The following TCF12 variants were observed in gnomAD, a reference collection of about 807,000 sequenced individuals.
TCF12 encodes DNA-binding protein HTF4.
TCF12 carries 45 observed loss-of-function variants against 86.0 expected under a neutral mutation model. That is an observed-to-expected ratio of 0.52 (90% CI 0.41 to 0.67). The LOEUF is 0.67. Ranked by LOEUF, TCF12 falls within the 30% of genes least tolerant of loss-of-function variation. TCF12 has a pLI of 0.00. For missense variants in TCF12, 881 were observed against 859.9 expected, an observed-to-expected ratio of 1.02 and a Z score of -0.31; for synonymous variants, 330 against 299.6, an observed-to-expected ratio of 1.10 and a Z score of -1.05.
intron 3 of TCF12, among the ~76,000 whole-genome samples, chr15:57,030,965 A>G (rs570287488): frequency 1.3e-5 from 2 of 152,326 alleles, no homozygotes; most frequent in East Asian, 3.9e-4. Context: ...TGCCTATCTC[A>G]AGGATTATAT....
At chr15:56,985,468 C>G (rs1219433433) in intron 3 of TCF12, among the ~76,000 whole-genome samples, 2 of 152,134 alleles carry the variant, frequency 1.3e-5, no homozygotes, top group African/African-American at 4.8e-5. Flanking sequence ...TATACCATGG[C>G]TTATTTTGAC....
At chr15:57,207,643 C>G (rs2057895786) in intron 8 of TCF12, among the ~76,000 whole-genome samples, 1 of 152,096 alleles carries the variant, frequency 6.6e-6, no homozygotes, top group Non-Finnish European at 1.5e-5. Context: ...CACCATTGCA[C>G]TCCAGCCTGG....
intron 5 of TCF12, among the ~76,000 whole-genome samples, chr15:57,096,286 T>G (rs1367254644): frequency 1.3e-5 from 2 of 152,106 alleles, no homozygotes; most frequent in Non-Finnish European, 2.9e-5. Context: ...TTTTTTAGCC[T>G]ACGACACCCC....
chr15:57,229,887 C>A (rs1290010719), intron 8 of TCF12, among the ~76,000 whole-genome samples: 6 of 151,792 alleles, frequency 4.0e-5, no homozygotes, highest in African/African-American at 1.2e-4. Context: ...ACAGTTAATA[C>A]CTCCAAGAAA....
At chr15:57,244,756 GC>G (rs1385487358) in intron 13 of TCF12, among the ~76,000 whole-genome samples, 1 of 151,732 alleles carries the variant, frequency 6.6e-6, no homozygotes, top group Admixed American at 6.6e-5. Flanking sequence ...GACCCACTGC[GC>G]CCGGCCCACA....
At chr15:57,276,511 G>A (rs2061402755) in intron 19 of TCF12, among the ~76,000 whole-genome samples, 1 of 152,222 alleles carries the variant, frequency 6.6e-6, no homozygotes, top group South Asian at 2.1e-4. Context: ...TCTAAGTACT[G>A]AAGAATACAT....
At position 57,060,870 on chromosome 15, in the gene TCF12, A is replaced by G. The variant is rs551537714; in HGVS notation, c.149-2880A>G. ...CTTTGGAAAGTTTATTATTCCTGTCATATTTCTGTGTTTGTACAGCCATTG... is the reference window on the plus strand; with the variant it reads ...CTTTGGAAAGTTTATTATTCCTGTCGTATTTCTGTGTTTGTACAGCCATTG... On this transcript the variant is annotated intron_variant, in intron 3 of 20. Coordinates refer to ENST00000333725, the MANE Select transcript of TCF12 (RefSeq NM_207037.2). Among the ~76,000 whole-genome samples, 4 of 152,206 alleles carry G rather than the reference A, an allele frequency of 2.6e-5. No homozygotes were observed. In the East Asian group the frequency reaches 5.8e-4, roughly 22 times the overall value.
intron 4 of TCF12, among the ~76,000 whole-genome samples, chr15:57,068,970 T>G (rs1440007790): frequency 2.0e-5 from 3 of 152,222 alleles, no homozygotes; most frequent in Non-Finnish European, 4.4e-5. Context: ...AAGTACATTT[T>G]CATGGTTATA....
In TCF12 at chr15:57,263,167, C is replaced by CA. The variant is rs745814719; in HGVS notation, c.1641dup (p.Glu548ArgfsTer4). 6.2e-7 allele frequency: 1 copy of CA among 1,612,884 alleles called. No individual in the cohort carries two copies. The highest frequency in any genetic ancestry group is 2.2e-5 in the East Asian group (1 of 44,718). On this transcript the variant is annotated frameshift_variant, in exon 18 of 21. Transcript: ENST00000333725. LOFTEE classifies it high-confidence loss of function. The stretch of plus-strand genomic sequence containing the variant: ...TTACAACAGAAATCAAGACTGAAAA[C>CA]AAAGAAAAGGATGAAAACCTTCATG...
At chr15:57,000,979 T>A (rs572118034) in intron 3 of TCF12, among the ~76,000 whole-genome samples, 41 of 151,488 alleles carry the variant, frequency 2.7e-4, no homozygotes, top group African/African-American at 9.2e-4. Context: ...ATTCTAGTGC[T>A]TTTATTTTTA....
At chr15:57,022,665 C>T (rs559859612) in intron 3 of TCF12, among the ~76,000 whole-genome samples, 1 of 152,304 alleles carries the variant, frequency 6.6e-6, no homozygotes, top group Non-Finnish European at 1.5e-5. Flanking sequence ...AATGGTTGAG[C>T]TAATTTACAC....
At chr15:57,166,551 C>CT in intron 6 of TCF12, 85 bp downstream of exon 6, 1 of 1,189,284 alleles carries the variant, frequency 8.4e-7, no homozygotes, top group East Asian at 2.5e-5. Flanking sequence ...TAGAAATTAT[C>CT]CAATTTATTT....
intron 13 of TCF12, among the ~76,000 whole-genome samples, chr15:57,248,972 A>G (rs2059985550): frequency 6.6e-6 from 1 of 152,264 alleles, no homozygotes; most frequent in South Asian, 2.1e-4. Flanking sequence ...AATATTGCAC[A>G]CAAAGTCAGT....
intron 3 of TCF12, among the ~76,000 whole-genome samples, chr15:57,007,852 C>T (rs12903652): frequency 8.9e-5 from 9 of 101,238 alleles, no homozygotes; most frequent in Middle Eastern, 4.8e-3. Flanking sequence ...CTCTTTCCCT[C>T]CCTTCCTTCC....
intron 12 of TCF12, among the ~76,000 whole-genome samples, chr15:57,237,645 A>AT (rs1202222017): frequency 6.6e-6 from 1 of 152,096 alleles, no homozygotes; most frequent in Non-Finnish European, 1.5e-5. Context: ...CTTTACCCCC[A>AT]TTTTTTTAAG....
At chr15:57,166,755 C>G (rs2054924551) in intron 6 of TCF12, among the ~76,000 whole-genome samples, 1 of 152,166 alleles carries the variant, frequency 6.6e-6, no homozygotes, top group Non-Finnish European at 1.5e-5. Flanking sequence ...CATATTTTCT[C>G]ACAGAAAACG....
intron 3 of TCF12, among the ~76,000 whole-genome samples, chr15:57,037,570 C>T (rs1389513481): frequency 6.6e-6 from 1 of 152,148 alleles, no homozygotes; most frequent in African/African-American, 2.4e-5. Context: ...GGGTTGTCCT[C>T]TTGTATTGTC....
At chr15:56,950,423 A>G (rs1324802781) in intron 3 of TCF12, among the ~76,000 whole-genome samples, 1 of 152,060 alleles carries the variant, frequency 6.6e-6, no homozygotes, top group African/African-American at 2.4e-5. Flanking sequence ...ACGAGGTTTC[A>G]CCATGTTGGC....
At chr15:57,148,619 T>TG (rs757493378) in intron 5 of TCF12, among the ~76,000 whole-genome samples, 40 of 150,422 alleles carry the variant, frequency 2.7e-4, no homozygotes, top group Admixed American at 2.5e-3. Context: ...CAGTGGCTCA[T>TG]GCCTGTATTC....
Sources: allele counts gnomAD v4.1 joint callset (sites outside exome capture counted in the v4.1 genomes callset), GRCh38; gene constraint gnomAD v4.1.1; transcripts MANE v1.5; gene names NCBI Gene and HGNC (gene_info 2026-07-23, HGNC 2026-07-21).